Variants in SH3PXD2A observed in about 807,000 individuals in gnomAD.
SH3PXD2A encodes SH3 and PX domain-containing protein 2A.
In SH3PXD2A, 32 loss-of-function variants were observed where a neutral mutation model predicts 115.2. The observed-to-expected ratio is 0.28, with a 90% CI of 0.21 to 0.37. SH3PXD2A has a LOEUF of 0.37. SH3PXD2A is among the 10% of genes least tolerant of loss of function. The probability of loss-of-function intolerance (pLI) is 1.00; values close to 1 mark genes in which losing one functional copy is unlikely to be tolerated. For missense variants in SH3PXD2A, 1,328 were observed against 1,498.7 expected (o/e 0.89, Z 1.88); for synonymous variants, 610 against 629.1 (o/e 0.97, Z 0.45).
intron 6 of SH3PXD2A, 21 bp from the exon 7 acceptor site, chr10:103,668,673 A>T: frequency 6.5e-7 from 1 of 1,544,244 alleles, no homozygotes; most frequent in Non-Finnish European, 8.7e-7. Flanking sequence ...CCCGAGAGCA[A>T]GCGGCAGCAG....
At chr10:103,804,048 G>C (rs903833481) in intron 1 of SH3PXD2A, among the ~76,000 whole-genome samples, 7 of 152,134 alleles carry the variant, frequency 4.6e-5, no homozygotes, top group African/African-American at 7.2e-5. Flanking sequence ...TTAAGATAAG[G>C]GTTTGTGGAG....
At chr10:103,647,917 G>A (rs1336676462) in intron 8 of SH3PXD2A, among the ~76,000 whole-genome samples, 1 of 152,064 alleles carries the variant, frequency 6.6e-6, no homozygotes, top group Non-Finnish European at 1.5e-5. Flanking sequence ...GGGAGGGGAG[G>A]AGAAGAGGGT....
chr10:103,769,976 T>C (rs1033510313), intron 2 of SH3PXD2A, among the ~76,000 whole-genome samples: 11 of 152,218 alleles, frequency 7.2e-5, no homozygotes, highest in African/African-American at 2.2e-4. Context: ...TTCATTTCTA[T>C]ATTACACTAC....
chr10:103,787,740 G>A (rs917936982), intron 2 of SH3PXD2A, among the ~76,000 whole-genome samples: 2 of 152,166 alleles, frequency 1.3e-5, no homozygotes, highest in African/African-American at 4.8e-5. Context: ...CTTAGCTCCA[G>A]CCCAAACACC....
At chr10:103,767,057 T>G in intron 3 of SH3PXD2A, 37 bp downstream of exon 3, 6 of 1,519,520 alleles carry the variant, frequency 3.9e-6, no homozygotes, top group Non-Finnish European at 5.5e-6. Context: ...CCTTCCCGGG[T>G]ATCCCCCATC....
chr10:103,609,403 A>T (rs1363288733), intron 13 of SH3PXD2A: 1 of 152,272 alleles, frequency 6.6e-6, no homozygotes, highest in East Asian at 1.9e-4. Flanking sequence ...TGACAAGGCC[A>T]GATAGGCAGG....
chr10:103,810,422 G>A (rs2039254683), intron 1 of SH3PXD2A, among the ~76,000 whole-genome samples: 1 of 152,208 alleles, frequency 6.6e-6, no homozygotes, highest in African/African-American at 2.4e-5. Context: ...GATGAGTAAT[G>A]GAGTGCCGAG....
At chr10:103,660,645 C>T (rs73333364) in intron 8 of SH3PXD2A, among the ~76,000 whole-genome samples, 2,852 of 152,370 alleles carry the variant, frequency 0.019, 93 homozygotes, top group African/African-American at 0.065. Flanking sequence ...GTGGTTGTTG[C>T]TGGGCATCCC....
chr10:103,599,951 AG>A lies in SH3PXD2A; in HGVS notation c.*1864del, dbSNP rs1339139190. 9.0e-6 allele frequency: 1 copy of A among 111,714 alleles called. No individual in the cohort carries two copies. The highest frequency in any genetic ancestry group is 3.5e-5 in the African/African-American group (1 of 28,490). 6.9% of individuals were successfully genotyped at this position (111,714 alleles called of 1,614,324 possible). A position where few individuals can be genotyped will look rare whatever the true frequency, so the allele number is the denominator to read the frequency against. ...CAGGCATCAGTGTATGGCGAGGGAC[AG>A]GGGCTTAGGGTTGCCCAGGCAAGGC... On this transcript the variant is annotated 3_prime_UTR_variant, in exon 15 of 15. Transcript: ENST00000369774.
chr10:103,680,547 G>C (rs1468875145), intron 6 of SH3PXD2A, among the ~76,000 whole-genome samples: 2 of 152,200 alleles, frequency 1.3e-5, no homozygotes, highest in African/African-American at 4.8e-5. Context: ...AAAGTGCTGG[G>C]ATTACAGGCG....
chr10:103,703,877 G>GTC, intron 5 of SH3PXD2A, among the ~76,000 whole-genome samples: 1 of 152,296 alleles, frequency 6.6e-6, no homozygotes, highest in African/African-American at 2.4e-5. Context: ...GTGTGTATGT[G>GTC]TCTCTCTGTG....
chr10:103,661,189 G>T, intron 7 of SH3PXD2A, 75 bp from the exon 8 acceptor site: 2 of 1,534,590 alleles, frequency 1.3e-6, no homozygotes, highest in Non-Finnish European at 1.8e-6. Context: ...CCTGTCCATC[G>T]GCCTCCTCGG....
chr10:103,625,767 G>A (rs1038322376), intron 9 of SH3PXD2A, among the ~76,000 whole-genome samples: 1 of 152,226 alleles, frequency 6.6e-6, no homozygotes, highest in African/African-American at 2.4e-5. Context: ...GTAGGTGCCT[G>A]TAATCCCAGC....
At chr10:103,807,325 G>A (rs2039216485) in intron 1 of SH3PXD2A, among the ~76,000 whole-genome samples, 1 of 152,180 alleles carries the variant, frequency 6.6e-6, no homozygotes, top group Non-Finnish European at 1.5e-5. Flanking sequence ...TACAATGAGA[G>A]GCAAGGAGTT....
intron 1 of SH3PXD2A, among the ~76,000 whole-genome samples, chr10:103,820,374 C>A (rs2039365824): frequency 6.6e-6 from 1 of 152,178 alleles, no homozygotes; most frequent in Non-Finnish European, 1.5e-5. Context: ...AAGGGACCTG[C>A]CAAGCTGGCT....
rs2036722778 is a variant in SH3PXD2A at position 103,627,942 on chromosome 10, C to T, written c.605-740G>A. ...CCCTTCTTCCCTGACACTTCTTTGCCCCCAAAAGTGATTTGGTACTGATTC... is the reference window on the plus strand; with the variant it reads ...CCCTTCTTCCCTGACACTTCTTTGCTCCCAAAAGTGATTTGGTACTGATTC... On this transcript the variant is annotated intron_variant, in intron 8 of 14. Transcript: ENST00000369774. The surrounding 1 kb of genome is among the most constrained non-coding windows in gnomAD (Gnocchi z 4.4). Among the ~76,000 whole-genome samples, 3 of 152,218 alleles carry T rather than the reference C, an allele frequency of 2.0e-5. No homozygotes were observed. Among genetic ancestry groups the T allele is most frequent in the Admixed American group, 6.5e-5 (1 of 15,286 alleles).
Position 103,731,226 on chromosome 10 carries a change from C to T in SH3PXD2A, c.306+4506G>A, listed in dbSNP as rs55928545. Among the ~76,000 whole-genome samples, 1,404 of 151,330 alleles carry T rather than the reference C, an allele frequency of 9.3e-3. 20 individuals carry two copies. The highest frequency in any genetic ancestry group is 0.029 in the African/African-American group (1,202 of 41,184). On this transcript the variant is annotated intron_variant, in intron 4 of 14. Transcript: ENST00000369774. The stretch of plus-strand genomic sequence containing the variant: ...CCCAGGCTGGAGTGCAGTGGTGCAA[C>T]CATGGCTCACTGCAGCCTCTGCCTC...
intron 5 of SH3PXD2A, among the ~76,000 whole-genome samples, chr10:103,716,813 G>A (rs943205308): frequency 6.6e-6 from 1 of 152,262 alleles, no homozygotes; most frequent in Non-Finnish European, 1.5e-5. Context: ...ACTGCCAGCA[G>A]TGGTCAAGAA....
chr10:103,671,787 C>CA (rs1237669912), intron 6 of SH3PXD2A, among the ~76,000 whole-genome samples: 1 of 152,176 alleles, frequency 6.6e-6, no homozygotes, highest in Admixed American at 6.5e-5. Flanking sequence ...GCGGGGGGCG[C>CA]AGCCAAGTGA....
Sources: gnomAD v4.1 joint callset for allele counts (sites outside exome capture counted in the v4.1 genomes callset) on GRCh38, gnomAD v4.1.1 for gene constraint, Gnocchi (gnomAD v3.1) non-coding constraint, MANE v1.5 for transcripts, NCBI Gene and HGNC (gene_info 2026-07-23, HGNC 2026-07-21) for gene names.